Variants in RICTOR observed in about 807,000 individuals in gnomAD.
RICTOR encodes RPTOR independent companion of MTOR complex 2, also known as rapamycin-insensitive companion of mTOR.
Under a neutral mutation model 214.9 loss-of-function variants are expected in RICTOR, and 49 were observed. That is an observed-to-expected ratio of 0.23 (90% CI 0.18 to 0.29). RICTOR has a LOEUF of 0.29. Ranked by LOEUF, RICTOR falls within the 10% of genes least tolerant of loss-of-function variation. The pLI is 1.00. For synonymous variants in RICTOR, 717 were observed against 711.3 expected, an observed-to-expected ratio of 1.01 and a Z score of -0.13; for missense variants, 1,625 against 2,047.0, an observed-to-expected ratio of 0.79 and a Z score of 3.98.
Position 39,034,728 on chromosome 5 carries a change from A to AGTCTGAGATCAAACTGCT in RICTOR, c.98-13593_98-13592insAGCAGTTTGATCTCAGAC, listed in dbSNP as rs547639263. On this transcript the variant is annotated intron_variant, in intron 2 of 37. Transcript: ENST00000357387. ...GAGCCTCACTCATTGCTAGCACAGC[A>AGTCTGAGATCAAACTGCT]GTCTGAGATCAAACTGCAAGGCAGC... 1.5e-3 allele frequency among the ~76,000 whole-genome samples: 236 copies of AGTCTGAGATCAAACTGCT among 152,352 alleles called. 1 individual carries two copies. Among genetic ancestry groups the AGTCTGAGATCAAACTGCT allele is most frequent in the African/African-American group, 5.3e-3 (219 of 41,582 alleles).
At chr5:39,034,484 AGC>A (rs1756512117) in intron 2 of RICTOR, among the ~76,000 whole-genome samples, 1 of 152,252 alleles carries the variant, frequency 6.6e-6, no homozygotes, top group Non-Finnish European at 1.5e-5. Flanking sequence ...CAGTGGGTGC[AGC>A]GCACCGTGCA....
intron 15 of RICTOR, among the ~76,000 whole-genome samples, chr5:38,965,639 G>A (rs1750150421): frequency 6.6e-6 from 1 of 151,904 alleles, no homozygotes; most frequent in Non-Finnish European, 1.5e-5. Context: ...AATCAGACCT[G>A]AAAGCCTCTG....
intron 2 of RICTOR, among the ~76,000 whole-genome samples, chr5:39,046,028 AAAATAAAT>A (rs141969707): frequency 1.3e-4 from 18 of 140,266 alleles, no homozygotes; most frequent in African/African-American, 4.6e-4. Context: ...TCTGTCTTTA[AAAATAAAT>A]AAATAAATAA....
chr5:39,018,126 G>A (rs1037586753), intron 3 of RICTOR, among the ~76,000 whole-genome samples: 1 of 151,996 alleles, frequency 6.6e-6, no homozygotes, highest in Non-Finnish European at 1.5e-5. Context: ...GCATTTTAGT[G>A]TTTGCATGAA....
Position 38,954,773 on chromosome 5 carries a change from C to A in RICTOR, c.2697+1G>T. The stretch of plus-strand genomic sequence containing the variant: ...TTAAAATAAGTGAATTATGTTTTTA[C>A]CTGTACTTCCAACAAATGGCAGCCT... On this transcript the variant is annotated splice_donor_variant, in intron 27 of 37. Coordinates refer to ENST00000357387, the MANE Select transcript of RICTOR (RefSeq NM_152756.5). LOFTEE classifies it high-confidence loss of function. 6.5e-7 allele frequency: 1 copy of A among 1,537,126 alleles called. No homozygotes were observed. The highest frequency in any genetic ancestry group is 9.0e-7 in the Non-Finnish European group (1 of 1,112,506).
At chr5:38,943,226 T>C (rs1747797486) in intron 36 of RICTOR, 2 of 358,432 alleles carry the variant, frequency 5.6e-6, no homozygotes, top group Non-Finnish European at 1.0e-5. Context: ...TTCTTTTTTA[T>C]TGGCATGAGA....
At position 38,949,697 on chromosome 5, in the gene RICTOR, CAT is replaced by C. The variant is rs778467945; in HGVS notation, c.4136+13_4136+14del. The C allele has an allele frequency of 4.6e-5, 74 of 1,603,938 alleles. 1 individual carries two copies. Among genetic ancestry groups the C allele is most frequent in the Non-Finnish European group, 5.8e-5 (68 of 1,173,736 alleles). ...GCAACCATTATTGGTCACTTCTAAA[CAT>C]ATATTTGCTTACCTGCTTGGTGTTA... On this transcript the variant is annotated intron_variant, in intron 31 of 37. Coordinates refer to ENST00000357387, the MANE Select transcript of RICTOR (RefSeq NM_152756.5).
At position 38,952,277 on chromosome 5, in the gene RICTOR, A is replaced by G. The variant is rs1748859112; in HGVS notation, c.3046T>C (p.Ser1016Pro). The change falls in exon 30 of 38, where the codon TCA becomes CCA. Residue 1016 changes from serine to proline, a missense_variant. This residue lies in a region of RICTOR where 1,214 missense variants were observed against 1,470.5 expected (regional missense o/e 0.83). Transcript: ENST00000357387. ...AAACTTAGAGTGCTTGGGATAGATG[A>G]AAGTTCATTACAGAGTTGTTCCACA... is the stretch of plus-strand genomic sequence containing the variant. ...DDVEQLCNEL[S>P]SIPSTLSLNS... The G allele has an allele frequency of 6.2e-7, 1 of 1,612,936 alleles. No individual in the cohort carries two copies. Among genetic ancestry groups the G allele is most frequent in the African/African-American group, 1.3e-5 (1 of 74,830 alleles).
At chr5:38,953,222 C>T in intron 28 of RICTOR, 131 bp from the exon 29 acceptor site, 1 of 640,216 alleles carries the variant, frequency 1.6e-6, no homozygotes. Context: ...AAGTACAAAA[C>T]ATTAGGCATG....
chr5:38,971,972 G>C lies in RICTOR; in HGVS notation c.890-13C>G. The C allele has an allele frequency of 8.6e-7, 1 of 1,164,216 alleles. No homozygotes were observed. Among genetic ancestry groups the C allele is most frequent in the Non-Finnish European group, 1.3e-6 (1 of 799,848 alleles). 72.1% of individuals were successfully genotyped at this position (1,164,216 alleles called of 1,614,324 possible). A position where few individuals can be genotyped will look rare whatever the true frequency, so the allele number is the denominator to read the frequency against. ...AAATTAATAATACCTAAAGAGGACA[G>C]AAAGAAAAAAAAATCACTGACATGA... On this transcript the variant is annotated splice_polypyrimidine_tract_variant and intron_variant, in intron 10 of 37. Coordinates refer to ENST00000357387, the MANE Select transcript of RICTOR (RefSeq NM_152756.5).
intron 2 of RICTOR, among the ~76,000 whole-genome samples, chr5:39,051,509 G>A (rs765389672): frequency 6.6e-6 from 1 of 152,192 alleles, no homozygotes; most frequent in African/African-American, 2.4e-5. Context: ...AGCACTTTGG[G>A]AGGCGAGGCA....
chr5:38,958,493 C>T lies in RICTOR; in HGVS notation c.2370G>A (p.Met790Ile), dbSNP rs1284793974. The T allele has an allele frequency of 6.2e-7, 1 of 1,612,340 alleles. No homozygotes were observed. The highest frequency in any genetic ancestry group is 1.3e-5 in the African/African-American group (1 of 74,834). The change falls in exon 24 of 38, where the codon ATG (methionine) becomes ATA (isoleucine). Residue 790 changes from methionine (M) to isoleucine (I), a missense_variant. Around this residue, in one of 5 missense-constraint regions of RICTOR, gnomAD observed 1,214 missense variants for 1,470.5 expected, o/e 0.83. Transcript: ENST00000357387. The stretch of plus-strand genomic sequence containing the variant: ...CTCCAAGGTGGGATAACGCTGGTTT[C>T]ATCTGAATGAGAGCATGAAGATTGG... ...DKANLHALIQ[M>I]KPALSHLGDK... is the part of the protein sequence containing the mutation.
chr5:39,071,305 T>C (rs1232067981), intron 2 of RICTOR, among the ~76,000 whole-genome samples: 3 of 152,122 alleles, frequency 2.0e-5, no homozygotes, highest in Non-Finnish European at 4.4e-5. Context: ...TCAAGAACTC[T>C]AACTCAGATA....
At chr5:39,071,151 T>G (rs1759291916) in intron 2 of RICTOR, among the ~76,000 whole-genome samples, 1 of 152,214 alleles carries the variant, frequency 6.6e-6, no homozygotes, top group African/African-American at 2.4e-5. Flanking sequence ...TTAAATAGTA[T>G]GAAATGTCCT....
intron 2 of RICTOR, among the ~76,000 whole-genome samples, chr5:39,067,057 G>A (rs545710161): frequency 6.6e-6 from 1 of 152,322 alleles, no homozygotes; most frequent in South Asian, 2.1e-4. Context: ...TATCTTTAGA[G>A]CAATGCTCCA....
chr5:38,959,683 CCAA>C, intron 21 of RICTOR, 93 bp downstream of exon 21: 1 of 741,786 alleles, frequency 1.3e-6, no homozygotes. Context: ...TAAAACTTAA[CCAA>C]ACACATGTAC....
chr5:38,962,808 C>A, intron 17 of RICTOR, 68 bp downstream of exon 17: 1 of 1,356,826 alleles, frequency 7.4e-7, no homozygotes, highest in Non-Finnish European at 1.0e-6. Flanking sequence ...TACATGCATA[C>A]TAAAATCCAG....
chr5:39,028,929 AC>A lies in RICTOR; in HGVS notation c.98-7794del, dbSNP rs577232465. On this transcript the variant is annotated intron_variant, in intron 2 of 37. Transcript: ENST00000357387. ...CCAAAACAATATTAATAAGAAAAAA[AC>A]AAACTACTTATACATACAACATAGA... Among the ~76,000 whole-genome samples, 76 of 152,344 alleles carry A rather than the reference AC, an allele frequency of 5.0e-4. No individual in the cohort carries two copies. The East Asian group carries it at 0.014, about 29-fold the overall frequency.
chr5:38,959,313 T>C lies in RICTOR; in HGVS notation c.2060A>G (p.Asn687Ser), dbSNP rs755123030. ...ATCTTGGTTTTTCAAGGAGCAAAGA[T>C]TAAGGAGACTTAAAAGAAAAAAAAA... is the stretch of plus-strand genomic sequence containing the variant. ...EKCSVFQCLL[N>S]LCSLKNQDHL... Residue 687 changes from asparagine to serine, a missense_variant, in exon 22 of 38, where the codon AAT becomes AGT. By Grantham distance (46) the Asn-to-Ser change is conservative. Around this residue, in one of 5 missense-constraint regions of RICTOR, gnomAD observed 1,214 missense variants for 1,470.5 expected, o/e 0.83. Coordinates refer to ENST00000357387, the MANE Select transcript of RICTOR (RefSeq NM_152756.5). 10 of 1,528,860 alleles carry C rather than the reference T, an allele frequency of 6.5e-6. No homozygotes were observed. The highest frequency in any genetic ancestry group is 3.8e-4 in the Middle Eastern group (2 of 5,314). The allele number at this position is 1,528,860 out of a possible 1,614,324, so 94.7% of individuals were successfully genotyped here. A position where few individuals can be genotyped will look rare whatever the true frequency, so the allele number is the denominator to read the frequency against.
Sources: gnomAD v4.1 joint callset for allele counts (sites outside exome capture counted in the v4.1 genomes callset) on GRCh38, gnomAD v4.1.1 for gene constraint, gnomAD v4.1.1 regional missense constraint, MANE v1.5 for transcripts, NCBI Gene and HGNC (gene_info 2026-07-23, HGNC 2026-07-21) for gene names.